DOCK9: variants seen among roughly 807,000 people sequenced by gnomAD.
DOCK9 encodes the protein dedicator of cytokinesis protein 9.
In DOCK9, 89 loss-of-function variants were observed where a neutral mutation model predicts 263.3. The observed-to-expected ratio is 0.34, with a 90% CI of 0.28 to 0.40. The LOEUF (loss-of-function observed/expected upper bound fraction) is 0.40, where lower values mean the gene tolerates loss of function less well. Ranked by LOEUF, DOCK9 falls within the 10% of genes least tolerant of loss-of-function variation. The pLI is 1.00. For synonymous variants in DOCK9, 976 were observed against 973.1 expected (o/e 1.00, Z -0.06); for missense variants, 2,140 against 2,603.4 (o/e 0.82, Z 3.87).
Position 98,850,124 on chromosome 13 carries a change from A to G in DOCK9, c.3947-11T>C, listed in dbSNP as rs758194442. 263 of 1,471,822 alleles carry G rather than the reference A, an allele frequency of 1.8e-4. No individual in the cohort carries two copies. Among genetic ancestry groups the G allele is most frequent in the Non-Finnish European group, 2.3e-4 (257 of 1,099,678 alleles). The allele number at this position is 1,471,822 out of a possible 1,614,324, so 91.2% of individuals were successfully genotyped here. A position where few individuals can be genotyped will look rare whatever the true frequency, so the allele number is the denominator to read the frequency against. ...ATGTAAACAAAGCATCTAGAAAATA[A>G]ACATTTACTTAGAATCACAATACAT... On this transcript the variant is annotated splice_polypyrimidine_tract_variant and intron_variant, in intron 35 of 52. Transcript: ENST00000682017.
chr13:98,812,868 T>C (rs1372147673), intron 45 of DOCK9, among the ~76,000 whole-genome samples: 1 of 152,234 alleles, frequency 6.6e-6, no homozygotes, highest in African/African-American at 2.4e-5. Context: ...TATTTTCATA[T>C]GGATGAATGT....
At chr13:99,024,042 C>T (rs1886433441) in intron 1 of DOCK9, among the ~76,000 whole-genome samples, 1 of 152,226 alleles carries the variant, frequency 6.6e-6, no homozygotes, top group Non-Finnish European at 1.5e-5. Flanking sequence ...ACTTAAATTA[C>T]TGTTACAGGA....
chr13:98,900,658 C>G (rs946819075), intron 13 of DOCK9, among the ~76,000 whole-genome samples: 2 of 152,206 alleles, frequency 1.3e-5, no homozygotes, highest in Admixed American at 6.5e-5. Flanking sequence ...GATCCTAACA[C>G]TGTCCCTATG....
intron 9 of DOCK9, among the ~76,000 whole-genome samples, chr13:98,905,806 T>A (rs1177193252): frequency 6.6e-6 from 1 of 150,418 alleles, no homozygotes; most frequent in African/African-American, 2.4e-5. Flanking sequence ...ATTGGGGATT[T>A]CATTCAGAAT....
chr13:98,841,524 T>A (rs965936264), intron 38 of DOCK9, among the ~76,000 whole-genome samples: 12 of 152,072 alleles, frequency 7.9e-5, no homozygotes, highest in African/African-American at 2.9e-4. Context: ...ATACCCAACT[T>A]TGGAAATACT....
At chr13:98,853,038 G>A (rs1272911407) in intron 35 of DOCK9, among the ~76,000 whole-genome samples, 1 of 152,178 alleles carries the variant, frequency 6.6e-6, no homozygotes, top group African/African-American at 2.4e-5. Context: ...TAAGTTGACA[G>A]TAAGTTTGTC....
intron 1 of DOCK9, among the ~76,000 whole-genome samples, chr13:98,958,397 TG>T (rs2058297769): frequency 6.6e-6 from 1 of 152,192 alleles, no homozygotes. Context: ...CTGCCTTGGG[TG>T]GGGGTGAGAG....
upstream of DOCK9, among the ~76,000 whole-genome samples, chr13:99,087,083 G>A (rs548738594): frequency 7.2e-4 from 109 of 152,102 alleles, no homozygotes; most frequent in African/African-American, 2.5e-3. Flanking sequence ...CGGGGACAGA[G>A]GTCTCAGGAA....
chr13:98,832,038 C>T (rs544703545), intron 39 of DOCK9: 48 of 432,936 alleles, frequency 1.1e-4, no homozygotes, highest in African/African-American at 6.3e-4. Flanking sequence ...TTAGTACTGA[C>T]TGGGCTTCTA....
chr13:98,829,455 G>T lies in DOCK9; in HGVS notation c.4817C>A (p.Ala1606Asp). Residue 1606 changes from alanine (A) to aspartate (D), a missense_variant, in exon 43 of 53, where the codon GCC becomes GAC. This residue lies in a region of DOCK9 where 619 missense variants were observed against 861.8 expected (regional missense o/e 0.72). Transcript: ENST00000682017. This position sits in a 1 kb window ranked among gnomAD's most constrained non-coding sequence, Gnocchi z 4.1. ...GTCGTTCTCATGCTCCTTCATCTGG[G>T]CGGTGGCCATTAGCACCGTGCGTAT... ...KRIRTVLMAT[A>D]QMKEHENDPE... is the part of the protein sequence containing the mutation. 1 of 1,613,962 alleles carries T rather than the reference G, an allele frequency of 6.2e-7. No individual in the cohort carries two copies. The highest frequency in any genetic ancestry group is 8.5e-7 in the Non-Finnish European group (1 of 1,179,878).
intron 1 of DOCK9, among the ~76,000 whole-genome samples, chr13:98,997,147 C>T (rs772237816): frequency 1.3e-5 from 2 of 152,230 alleles, no homozygotes; most frequent in African/African-American, 4.8e-5. Flanking sequence ...ACACTCACAG[C>T]GCACTTACCC....
In DOCK9 at chr13:98,921,133, G is replaced by C. The variant is rs537161033; in HGVS notation, c.583-45C>G. 1.2e-4 allele frequency: 193 copies of C among 1,552,782 alleles called. No individual in the cohort carries two copies. The Middle Eastern group carries it at 1.4e-3, about 11-fold the overall frequency. On this transcript the variant is annotated intron_variant, in intron 6 of 52. Transcript: ENST00000682017. ...ACAGCTATTCTTTCAAAATGAAGAGGGTCACAATCTCTATCAATAACCCAC... is the reference window on the plus strand; with the variant it reads ...ACAGCTATTCTTTCAAAATGAAGAGCGTCACAATCTCTATCAATAACCCAC...
rs759505702 is a variant in DOCK9, at chr13:98,930,203, C to A, written c.298G>T (p.Ala100Ser). The change falls in exon 3 of 53, where the codon GCG becomes TCG. Residue 100 changes from alanine (A) to serine (S), a missense_variant. By Grantham distance (99) the Ala-to-Ser change is moderately conservative (BLOSUM62 1). Around this residue, in one of 2 missense-constraint regions of DOCK9, gnomAD observed 1,521 missense variants for 1,741.7 expected, o/e 0.87. Coordinates refer to ENST00000682017, the MANE Select transcript of DOCK9 (RefSeq NM_001366683.2). The part of the protein sequence containing the change: ...RYICSTVPAK[A>S]EEEAQSLFVT... ...AACAAGCTCTGTGCTTCCTCTTCCGCCTTCGCAGGCACTGTTGAGCATATG... is the reference window on the plus strand; with the variant it reads ...AACAAGCTCTGTGCTTCCTCTTCCGACTTCGCAGGCACTGTTGAGCATATG... The A allele has an allele frequency of 2.2e-5, 35 of 1,612,116 alleles. No individual in the cohort carries two copies. In the South Asian group the frequency reaches 3.4e-4, roughly 16 times the overall value.
chr13:99,058,045 T>C (rs1458711175), intron 1 of DOCK9, among the ~76,000 whole-genome samples: 2 of 151,978 alleles, frequency 1.3e-5, no homozygotes. Context: ...ATTTATACAA[T>C]ATCTCTCTCA....
upstream of DOCK9, among the ~76,000 whole-genome samples, chr13:98,978,848 C>G: frequency 6.6e-6 from 1 of 152,066 alleles, no homozygotes; most frequent in East Asian, 2.0e-4. Context: ...GCTGGATCAC[C>G]AACCTACGGT....
chr13:98,976,451 T>C (rs1036875201), intron 1 of DOCK9, among the ~76,000 whole-genome samples: 6 of 152,178 alleles, frequency 3.9e-5, no homozygotes, highest in African/African-American at 1.4e-4. Flanking sequence ...TAGACAAATA[T>C]TTCTACACAG....
intron 7 of DOCK9, among the ~76,000 whole-genome samples, chr13:98,918,915 G>A (rs2051356075): frequency 6.6e-6 from 1 of 152,148 alleles, no homozygotes; most frequent in South Asian, 2.1e-4. Context: ...ATCCAGACTA[G>A]AGGCCAAAGG....
At chr13:98,947,977 A>C (rs2056943463) in intron 2 of DOCK9, among the ~76,000 whole-genome samples, 2 of 152,230 alleles carry the variant, frequency 1.3e-5, no homozygotes, top group Non-Finnish European at 2.9e-5. Context: ...GCCAAAAACA[A>C]AGTATTGAGG....
At chr13:98,999,571 C>G (rs1881871948) in intron 1 of DOCK9, among the ~76,000 whole-genome samples, 1 of 152,122 alleles carries the variant, frequency 6.6e-6, no homozygotes, top group Admixed American at 6.5e-5. Context: ...AGTACTAAAA[C>G]TTATCCTCAG....
Sources: allele counts gnomAD v4.1 joint callset (sites outside exome capture counted in the v4.1 genomes callset), GRCh38; gene constraint gnomAD v4.1.1; regional missense constraint gnomAD v4.1.1; non-coding constraint Gnocchi (gnomAD v3.1); transcripts MANE v1.5; gene names NCBI Gene and HGNC (gene_info 2026-07-23, HGNC 2026-07-21).